The following RHOBTB1 variants were observed in gnomAD, a reference collection of about 807,000 sequenced individuals.
RHOBTB1 encodes Rho related BTB domain containing 1, also known as rho-related BTB domain-containing protein 1.
Under a neutral mutation model 71.6 loss-of-function variants are expected in RHOBTB1, and 40 were observed. That is an observed-to-expected ratio of 0.56 (90% CI 0.43 to 0.73). The LOEUF is 0.73. Among genes scored for constraint, RHOBTB1 ranks in the 30% least tolerant of loss-of-function variants. The probability of loss-of-function intolerance (pLI) is 0.00; values close to 1 mark genes in which losing one functional copy is unlikely to be tolerated. For synonymous variants in RHOBTB1, 319 were observed against 334.9 expected, an observed-to-expected ratio of 0.95 and a Z score of 0.52; for missense variants, 797 against 894.0, an observed-to-expected ratio of 0.89 and a Z score of 1.38.
chr10:60,885,261 T>C (rs991442525), intron 7 of RHOBTB1, among the ~76,000 whole-genome samples: 2 of 152,206 alleles, frequency 1.3e-5, no homozygotes. Context: ...AGTATATGTA[T>C]ATTGAAACAT....
chr10:60,982,729 A>T (rs2086541563), intron 2 of RHOBTB1, among the ~76,000 whole-genome samples: 1 of 152,142 alleles, frequency 6.6e-6, no homozygotes, highest in South Asian at 2.1e-4. Flanking sequence ...AATATTACTG[A>T]TGAGGAAATT....
chr10:60,941,514 T>C (rs946796535), intron 2 of RHOBTB1, among the ~76,000 whole-genome samples: 2 of 152,026 alleles, frequency 1.3e-5, no homozygotes, highest in African/African-American at 4.8e-5. Context: ...AGCATCCAGA[T>C]CCCCAGTATT....
At chr10:60,957,974 T>C (rs948757384) in intron 2 of RHOBTB1, among the ~76,000 whole-genome samples, 2 of 152,076 alleles carry the variant, frequency 1.3e-5, no homozygotes, top group Admixed American at 6.6e-5. Flanking sequence ...TACTGAAAAG[T>C]GGAATGACTT....
At chr10:60,927,654 T>G (rs961071476) in intron 2 of RHOBTB1, among the ~76,000 whole-genome samples, 1 of 152,200 alleles carries the variant, frequency 6.6e-6, no homozygotes, top group Admixed American at 6.5e-5. Context: ...GAAAACTGGC[T>G]ATCCATAAGC....
chr10:60,957,130 G>T (rs2085622360), intron 2 of RHOBTB1, among the ~76,000 whole-genome samples: 2 of 152,314 alleles, frequency 1.3e-5, no homozygotes, highest in South Asian at 4.1e-4. Context: ...CCTCCTGAAA[G>T]ACCAGCCTAA....
chr10:60,949,504 C>A (rs560841703), intron 2 of RHOBTB1, among the ~76,000 whole-genome samples: 23 of 152,202 alleles, frequency 1.5e-4, no homozygotes, highest in African/African-American at 4.6e-4. Context: ...CTCTAAAGCT[C>A]CTATTTTCTT....
At chr10:60,935,444 AT>A in intron 2 of RHOBTB1, among the ~76,000 whole-genome samples, 2 of 152,230 alleles carry the variant, frequency 1.3e-5, no homozygotes, top group East Asian at 3.9e-4. Flanking sequence ...TTATATACTG[AT>A]AATTTTTTTT....
intron 3 of RHOBTB1, 139 bp from the exon 4 acceptor site, chr10:60,911,129 A>G (rs1321610131): frequency 1.3e-6 from 1 of 766,330 alleles, no homozygotes; most frequent in Non-Finnish European, 2.1e-6. Flanking sequence ...ATTTAAGCTA[A>G]GTCTTAATTC....
chr10:60,862,142 T>C, the RHOBTB1 span, among the ~76,000 whole-genome samples: 1 of 144,210 alleles, frequency 6.9e-6, no homozygotes, highest in African/African-American at 2.7e-5. Flanking sequence ...CTTCTCTCTC[T>C]CTCTTTCTTT....
chr10:60,999,772 T>C (rs1377606816), intron 1 of RHOBTB1, among the ~76,000 whole-genome samples: 1 of 152,276 alleles, frequency 6.6e-6, no homozygotes, highest in Non-Finnish European at 1.5e-5. Flanking sequence ...GGAATGTTTA[T>C]GGTTCAGACA....
In RHOBTB1 at chr10:60,978,565, G is replaced by A. The variant is rs547539079; in HGVS notation, c.-62+7280C>T. Among the ~76,000 whole-genome samples, 3 of 152,232 alleles carry A rather than the reference G, an allele frequency of 2.0e-5. No individual in the cohort carries two copies. The South Asian group carries it at 6.2e-4, about 32-fold the overall frequency. On this transcript the variant is annotated intron_variant, in intron 2 of 11. Coordinates refer to the RHOBTB1 transcript ENST00000357917. Reference sequence around the variant, plus strand: ...AAAACGATCTGCAGTGTAAACCCGTGCTGGGACAGTAGCATGGCTGTGAGT... The same window carrying A: ...AAAACGATCTGCAGTGTAAACCCGTACTGGGACAGTAGCATGGCTGTGAGT...
At chr10:60,986,418 TATATATATATATAAA>T (rs2086667531) in intron 1 of RHOBTB1, among the ~76,000 whole-genome samples, 1 of 144,764 alleles carries the variant, frequency 6.9e-6, no homozygotes, top group East Asian at 2.0e-4. Flanking sequence ...TATATATATA[TATATATATATATAAA>T]ATATATATAG....
intron 2 of RHOBTB1, among the ~76,000 whole-genome samples, chr10:60,913,632 G>T (rs1219031811): frequency 6.6e-6 from 1 of 152,156 alleles, no homozygotes; most frequent in Non-Finnish European, 1.5e-5. Context: ...CTTGGTGGGG[G>T]GTTGAGGAGG....
At chr10:60,874,860 CTTCA>C (rs1408400129) in intron 9 of RHOBTB1, 90 bp downstream of exon 9, 12 of 893,420 alleles carry the variant, frequency 1.3e-5, no homozygotes, top group Non-Finnish European at 2.2e-5. Flanking sequence ...GTGGTGACAT[CTTCA>C]TTTAGACAGA....
chr10:61,000,927 G>T (rs766235305), intron 1 of RHOBTB1, among the ~76,000 whole-genome samples: 1 of 152,194 alleles, frequency 6.6e-6, no homozygotes, highest in Non-Finnish European at 1.5e-5. Context: ...AGGAGCTGCA[G>T]ATGCTGCGCC....
At chr10:60,949,901 G>A (rs2085355853) in intron 2 of RHOBTB1, among the ~76,000 whole-genome samples, 1 of 152,130 alleles carries the variant, frequency 6.6e-6, no homozygotes, top group African/African-American at 2.4e-5. Context: ...ACTGAAAATA[G>A]ACCAAAAGGT....
chr10:60,909,592 C>A (rs1379092400), intron 4 of RHOBTB1, among the ~76,000 whole-genome samples: 1 of 152,084 alleles, frequency 6.6e-6, no homozygotes, highest in Non-Finnish European at 1.5e-5. Context: ...CCAGCAGTTA[C>A]AAGCAGGTTC....
chr10:60,974,490 C>A (rs2086255167), intron 2 of RHOBTB1, among the ~76,000 whole-genome samples: 1 of 151,974 alleles, frequency 6.6e-6, no homozygotes, highest in Non-Finnish European at 1.5e-5. Context: ...AATCAGACTC[C>A]AAAAAATATA....
intron 4 of RHOBTB1, among the ~76,000 whole-genome samples, chr10:60,904,518 A>T (rs2082565315): frequency 6.6e-6 from 1 of 152,206 alleles, no homozygotes; most frequent in Admixed American, 6.5e-5. Flanking sequence ...AAATGGAATC[A>T]CACAGTATGT....
Sources: allele counts gnomAD v4.1 joint callset (sites outside exome capture counted in the v4.1 genomes callset), GRCh38; gene constraint gnomAD v4.1.1; transcripts MANE v1.5; gene names NCBI Gene and HGNC (gene_info 2026-07-23, HGNC 2026-07-21).